The following MAPK4 variants were observed in gnomAD, a reference collection of about 807,000 sequenced individuals.
MAPK4 encodes Erk3-related.
Under a neutral mutation model 47.7 loss-of-function variants are expected in MAPK4, and 22 were observed. The ratio of observed to expected loss-of-function variants is 0.46; its 90% CI spans 0.33 to 0.66. The LOEUF (loss-of-function observed/expected upper bound fraction) is 0.66, where lower values mean the gene tolerates loss of function less well. Among genes scored for constraint, MAPK4 ranks in the 30% least tolerant of loss-of-function variants. The pLI is 0.02. For missense variants in MAPK4, 736 were observed against 831.7 expected, an observed-to-expected ratio of 0.88 and a Z score of 1.42; for synonymous variants, 390 against 365.7, an observed-to-expected ratio of 1.07 and a Z score of -0.76.
At chr18:50,720,858 C>G (rs930343933) in intron 3 of MAPK4, among the ~76,000 whole-genome samples, 1 of 152,170 alleles carries the variant, frequency 6.6e-6, no homozygotes, top group Non-Finnish European at 1.5e-5. Context: ...GGCACTTCTT[C>G]GGTCAGTATT....
chr18:50,711,544 T>G (rs1029730325), intron 2 of MAPK4, among the ~76,000 whole-genome samples: 2 of 152,228 alleles, frequency 1.3e-5, no homozygotes, highest in African/African-American at 4.8e-5. Context: ...CCAGCTGGCC[T>G]GCAACAGCCG....
intron 1 of MAPK4, among the ~76,000 whole-genome samples, chr18:50,640,537 C>G (rs1265813632): frequency 2.0e-5 from 3 of 152,156 alleles, no homozygotes; most frequent in East Asian, 1.9e-4. Context: ...GATCTCAGCT[C>G]TCACTGAAAC....
intron 2 of MAPK4, among the ~76,000 whole-genome samples, chr18:50,708,276 C>T (rs1216100329): frequency 6.6e-6 from 1 of 152,198 alleles, no homozygotes; most frequent in African/African-American, 2.4e-5. Context: ...CTGTATATGT[C>T]TGCTTCAGCG....
chr18:50,716,809 G>GA (rs3838900), intron 3 of MAPK4, among the ~76,000 whole-genome samples: 14,802 of 152,100 alleles, frequency 0.097, 1,005 homozygotes, highest in East Asian at 0.27. Flanking sequence ...CTCCTCAGGG[G>GA]CACCGTCTCC....
At chr18:50,642,607 AC>A in intron 1 of MAPK4, among the ~76,000 whole-genome samples, 1 of 152,308 alleles carries the variant, frequency 6.6e-6, no homozygotes, top group Admixed American at 6.5e-5. Context: ...GAGTTGAACA[AC>A]CCCTGCAGGG....
At chr18:50,620,952 T>C (rs2042726683) in intron 1 of MAPK4, among the ~76,000 whole-genome samples, 2 of 152,196 alleles carry the variant, frequency 1.3e-5, no homozygotes, top group South Asian at 4.1e-4. Flanking sequence ...TGGCCAAGTA[T>C]CCTCTTTATT....
intron 1 of MAPK4, among the ~76,000 whole-genome samples, chr18:50,594,550 A>T (rs1445647634): frequency 6.6e-6 from 1 of 152,234 alleles, no homozygotes; most frequent in Non-Finnish European, 1.5e-5. Flanking sequence ...TAATCTGTAA[A>T]TAAAACAATC....
chr18:50,655,594 G>C (rs2043101015), intron 1 of MAPK4, among the ~76,000 whole-genome samples: 1 of 152,196 alleles, frequency 6.6e-6, no homozygotes, highest in South Asian at 2.1e-4. Flanking sequence ...TCAAAAGCCG[G>C]AAAGCCAGGG....
chr18:50,718,295 C>A (rs893319421), intron 3 of MAPK4, among the ~76,000 whole-genome samples: 1 of 152,226 alleles, frequency 6.6e-6, no homozygotes, highest in Admixed American at 6.5e-5. Flanking sequence ...TCTTGGCTCA[C>A]TGCAACCTCC....
At chr18:50,613,184 A>C (rs994022800) in intron 1 of MAPK4, among the ~76,000 whole-genome samples, 1 of 152,168 alleles carries the variant, frequency 6.6e-6, no homozygotes, top group Non-Finnish European at 1.5e-5. Flanking sequence ...AATATGGCAA[A>C]AGTAATGGGG....
At position 50,664,241 on chromosome 18, in the gene MAPK4, C is replaced by G; in HGVS notation, c.283C>G (p.Leu95Val). 2 of 1,614,014 alleles carry G rather than the reference C, an allele frequency of 1.2e-6. No homozygotes were observed. The highest frequency in any genetic ancestry group is 1.7e-6 in the Non-Finnish European group (2 of 1,180,036). ...CAAGGGCACTGACCTGCAGGGTGAG[C>G]TGTTCAAGTTCAGCGTGGCGTACAT... is the stretch of plus-strand genomic sequence containing the variant. ...GPKGTDLQGE[L>V]FKFSVAYIVQ... The change falls in exon 2 of 6, where the codon CTG (leucine) becomes GTG (valine). Residue 95 changes from leucine (L) to valine (V), a missense_variant. Coordinates refer to ENST00000400384, the MANE Select transcript of MAPK4 (RefSeq NM_002747.4). The surrounding 1 kb of genome is among the most constrained non-coding windows in gnomAD (Gnocchi z 6.0).
intron 1 of MAPK4, among the ~76,000 whole-genome samples, chr18:50,612,551 C>A (rs956494450): frequency 6.6e-6 from 1 of 152,162 alleles, no homozygotes; most frequent in Non-Finnish European, 1.5e-5. Context: ...GAGGAGGAAT[C>A]TGTGACTGGA....
chr18:50,672,269 T>A (rs974377062), intron 2 of MAPK4, among the ~76,000 whole-genome samples: 3 of 152,174 alleles, frequency 2.0e-5, no homozygotes, highest in Non-Finnish European at 4.4e-5. Context: ...GAAAATGAGC[T>A]TGTGGAAGGG....
chr18:50,708,676 G>T lies in MAPK4; in HGVS notation c.547-6403G>T, dbSNP rs968362423. Among the ~76,000 whole-genome samples, 6 of 152,180 alleles carry T rather than the reference G, an allele frequency of 3.9e-5. No individual in the cohort carries two copies. In the East Asian group the frequency reaches 9.6e-4, roughly 24 times the overall value. ...TGTTCTGTGCTTGGACCCTCTGCTTGTCTAGACAGCCCAGGCCCCCACAGA... is the reference window on the plus strand; with the variant it reads ...TGTTCTGTGCTTGGACCCTCTGCTTTTCTAGACAGCCCAGGCCCCCACAGA... On this transcript the variant is annotated intron_variant, in intron 2 of 5. Transcript: ENST00000400384.
At chr18:50,608,062 C>T (rs540945977) in intron 1 of MAPK4, among the ~76,000 whole-genome samples, 4 of 152,178 alleles carry the variant, frequency 2.6e-5, no homozygotes, top group East Asian at 3.9e-4. Context: ...ATACCTTTCC[C>T]TAATCAAAAA....
chr18:50,654,767 CGCA>C (rs1346825572), intron 1 of MAPK4, among the ~76,000 whole-genome samples: 1 of 152,224 alleles, frequency 6.6e-6, no homozygotes, highest in Non-Finnish European at 1.5e-5. Flanking sequence ...AGACTTCCCA[CGCA>C]GGGACCCAGA....
intron 1 of MAPK4, among the ~76,000 whole-genome samples, chr18:50,567,730 TTGTGTG>T (rs10551391): frequency 6.0e-5 from 9 of 149,196 alleles, no homozygotes; most frequent in African/African-American, 2.2e-4. Flanking sequence ...TTATAGGACT[TTGTGTG>T]TGTGTGTGTG....
At chr18:50,587,915 GAGAC>G (rs1214144755) in intron 1 of MAPK4, among the ~76,000 whole-genome samples, 2 of 151,982 alleles carry the variant, frequency 1.3e-5, no homozygotes, top group Non-Finnish European at 2.9e-5. Context: ...ATTTTTAGTA[GAGAC>G]AGGGTTTCAC....
At chr18:50,647,862 C>T (rs574506610) in intron 1 of MAPK4, among the ~76,000 whole-genome samples, 2 of 152,210 alleles carry the variant, frequency 1.3e-5, no homozygotes, top group African/African-American at 4.8e-5. Context: ...CCAGCAAATC[C>T]CACCCTTCAG....
Sources: gnomAD v4.1 joint callset for allele counts (sites outside exome capture counted in the v4.1 genomes callset) on GRCh38, gnomAD v4.1.1 for gene constraint, Gnocchi (gnomAD v3.1) non-coding constraint, MANE v1.5 for transcripts, NCBI Gene and HGNC (gene_info 2026-07-23, HGNC 2026-07-21) for gene names.